Variants in P2RX6 observed in about 807,000 individuals in gnomAD.
P2RX6 encodes purinergic receptor P2X 6, also known as P2X purinoceptor 6.
A neutral mutation model predicts 54.2 loss-of-function variants in P2RX6; 62 were observed. The ratio of observed to expected loss-of-function variants is 1.14; its 90% confidence interval spans 0.93 to 1.41. The LOEUF is 1.41. Among genes scored for constraint, P2RX6 ranks in the 40% most tolerant of loss-of-function variants. P2RX6 has a pLI of 0.00. For synonymous variants in P2RX6, 211 were observed against 231.9 expected, an observed-to-expected ratio of 0.91 and a Z score of 0.82; for missense variants, 541 against 566.3, an observed-to-expected ratio of 0.96 and a Z score of 0.45.
At chr22:21,016,187 A>G in intron 2 of P2RX6, 95 bp downstream of exon 2, 1 of 1,286,536 alleles carries the variant, frequency 7.8e-7, no homozygotes, top group Non-Finnish European at 1.1e-6. Flanking sequence ...AGAGAGAAGC[A>G]TGTGATGCCA....
chr22:21,012,374 C>T (rs1199407141), upstream of P2RX6, among the ~76,000 whole-genome samples: 10 of 152,140 alleles, frequency 6.6e-5, no homozygotes, highest in East Asian at 1.7e-3. Flanking sequence ...TAACTCCACC[C>T]CACATACCCC....
chr22:21,017,734 GCA>G (rs1198951790), intron 2 of P2RX6, among the ~76,000 whole-genome samples: 1 of 151,606 alleles, frequency 6.6e-6, no homozygotes, highest in Non-Finnish European at 1.5e-5. Flanking sequence ...ACATACACAT[GCA>G]CACACACACA....
At chr22:21,021,747 G>C (rs1358773166) in intron 3 of P2RX6, among the ~76,000 whole-genome samples, 1 of 152,086 alleles carries the variant, frequency 6.6e-6, no homozygotes, top group Non-Finnish European at 1.5e-5. Flanking sequence ...CGTCTCTGGG[G>C]TCTGGGACCC....
intron 3 of P2RX6, among the ~76,000 whole-genome samples, chr22:21,021,406 G>C (rs1480052323): frequency 6.6e-6 from 1 of 152,196 alleles, no homozygotes; most frequent in Admixed American, 6.5e-5. Context: ...ATGGGAAGAC[G>C]TGGGGGCCCC....
In P2RX6 at chr22:21,026,425, G is replaced by T; in HGVS notation, c.1134G>T (p.Lys378Asn). The change falls in exon 12 of 12, where the codon AAG (lysine) becomes AAT (asparagine). Residue 378 changes from lysine to asparagine, a missense_variant. Lys to Asn is a moderately conservative substitution (Grantham distance 94). Around this residue, in one of 2 missense-constraint regions of P2RX6, gnomAD observed 526 missense variants for 531.5 expected, o/e 0.99. Transcript: ENST00000413302. The surrounding 1 kb of genome is among the most constrained non-coding windows in gnomAD (Gnocchi z 4.0). ...CCTGCTGTCCTCATCTGCAGGCCAAGGCCCCGAAAGCAACCGCCAACTCTG... is the reference window on the plus strand; with the variant it reads ...CCTGCTGTCCTCATCTGCAGGCCAATGCCCCGAAAGCAACCGCCAACTCTG... ...FYWRTKYEEAKAPKATANSVW... is the reference protein window; with the variant it reads ...FYWRTKYEEANAPKATANSVW... 6.3e-7 allele frequency: 1 copy of T among 1,599,460 alleles called. No homozygotes were observed. Among genetic ancestry groups the T allele is most frequent in the Non-Finnish European group, 8.5e-7 (1 of 1,173,456 alleles).
In P2RX6 at chr22:21,026,307, A is replaced by G; in HGVS notation, c.1106A>G (p.Tyr369Cys). 6.2e-7 allele frequency: 1 copy of G among 1,606,946 alleles called. No individual in the cohort carries two copies. Among genetic ancestry groups the G allele is most frequent in the South Asian group, 1.1e-5 (1 of 89,296 alleles). The part of the protein sequence containing the change: ...LLYVDREAHF[Y>C]WRTKYEEAKA... The stretch of plus-strand genomic sequence containing the variant: ...TATGTGGATAGAGAAGCCCATTTCT[A>G]CTGGAGGACAAAGTATGAGGAGGTG... The change falls in exon 11 of 12, where the codon TAC becomes TGC. Residue 369 changes from tyrosine (Y) to cysteine (C), a missense_variant. Around this residue, in one of 2 missense-constraint regions of P2RX6, gnomAD observed 526 missense variants for 531.5 expected, o/e 0.99. Coordinates refer to ENST00000413302, the MANE Select transcript of P2RX6 (RefSeq NM_005446.5). The surrounding 1 kb of genome is among the most constrained non-coding windows in gnomAD (Gnocchi z 4.0).
chr22:21,026,250 A>G lies in P2RX6; in HGVS notation c.1051-2A>G, dbSNP rs1378093341. ...AACATGGGTTGGCCCTGCCTCTCCCAGGTCACCTTTTTCTGTGACCTGCTA... is the reference window on the plus strand; with the variant it reads ...AACATGGGTTGGCCCTGCCTCTCCCGGGTCACCTTTTTCTGTGACCTGCTA... On this transcript the variant is annotated splice_acceptor_variant, in intron 10 of 11. Transcript: ENST00000413302. LOFTEE classifies it high-confidence loss of function. The surrounding 1 kb of genome is among the most constrained non-coding windows in gnomAD (Gnocchi z 4.0). The G allele has an allele frequency of 6.3e-7, 1 of 1,592,342 alleles. No individual in the cohort carries two copies. The highest frequency in any genetic ancestry group is 8.5e-7 in the Non-Finnish European group (1 of 1,169,992).
Position 21,016,090 on chromosome 22 carries a change from CAGGT to C in P2RX6, c.314_315+2del, listed in dbSNP as rs913679527. The stretch of plus-strand genomic sequence containing the variant: ...TGTGGCCGACTTCGTGAAGCCACCT[CAGGT>C]GGGGGCCCTGATGTTGCTGACGGGG... On this transcript the variant is annotated splice_donor_variant and coding_sequence_variant, in exon 2 of 12. Transcript: ENST00000413302. LOFTEE classifies it high-confidence loss of function. The C allele has an allele frequency of 3.2e-6, 5 of 1,561,308 alleles. No individual in the cohort carries two copies. In the African/African-American group the frequency reaches 6.8e-5, roughly 21 times the overall value.
Position 21,022,972 on chromosome 22 carries a change from A to G in P2RX6, c.494A>G (p.Asn165Ser), listed in dbSNP as rs555559703. The change falls in exon 5 of 12, where the codon AAT becomes AGT. Residue 165 changes from asparagine (N) to serine (S), a missense_variant. This residue lies in a region of P2RX6 where 526 missense variants were observed against 531.5 expected (regional missense o/e 0.99). Transcript: ENST00000413302. ...GVKTGQCVVF[N>S]GTHRTCEIWS... Reference sequence around the variant, plus strand: ...AAAACAGGCCAGTGTGTGGTGTTCAATGGGACCCACAGGACCTGTGAGATC... The same window carrying G: ...AAAACAGGCCAGTGTGTGGTGTTCAGTGGGACCCACAGGACCTGTGAGATC... 593 of 1,613,794 alleles carry G rather than the reference A, an allele frequency of 3.7e-4. 6 individuals are homozygous for G. The South Asian group carries it at 6.1e-3, about 17-fold the overall frequency.
At chr22:21,018,480 A>C (rs1040524681) in intron 3 of P2RX6, 1 of 258,288 alleles carries the variant, frequency 3.9e-6, no homozygotes, top group Non-Finnish European at 7.7e-6. Flanking sequence ...GCAAGAGCCA[A>C]GCTGGAATAT....
chr22:21,021,600 G>A (rs1309297272), intron 3 of P2RX6, among the ~76,000 whole-genome samples: 2 of 152,176 alleles, frequency 1.3e-5, no homozygotes, highest in Non-Finnish European at 2.9e-5. Context: ...GCTTCTCAGA[G>A]GCCCTCAGCC....
At chr22:21,015,506 C>T (rs1926182536) in intron 1 of P2RX6, among the ~76,000 whole-genome samples, 168 bp downstream of exon 1, 1 of 152,024 alleles carries the variant, frequency 6.6e-6, no homozygotes, top group South Asian at 2.1e-4. Flanking sequence ...GACAGGAGAG[C>T]AAGAACAAGC....
intron 2 of P2RX6, among the ~76,000 whole-genome samples, chr22:21,017,540 C>A (rs564871380): frequency 6.6e-6 from 1 of 152,300 alleles, no homozygotes; most frequent in East Asian, 1.9e-4. Context: ...GTACTAGAAG[C>A]AGCAGGCTGT....
chr22:21,023,325 A>G lies in P2RX6; in HGVS notation c.689A>G (p.Tyr230Cys). ...WDPTYFKHCRYEPQFSPYCPV... is the reference protein window; with the variant it reads ...WDPTYFKHCRCEPQFSPYCPV... ...CCCACCTATTTTAAGCACTGCCGCT[A>G]TGAACCACAATTCAGCCCCTACTGT... Residue 230 changes from tyrosine to cysteine, a missense_variant, in exon 7 of 12, where the codon TAT becomes TGT. Tyr to Cys is a radical substitution (Grantham distance 194, BLOSUM62 -2). Transcript: ENST00000413302. 1.9e-6 allele frequency: 3 copies of G among 1,613,932 alleles called. No individual in the cohort carries two copies. Among genetic ancestry groups the G allele is most frequent in the African/African-American group, 1.3e-5 (1 of 75,028 alleles).
chr22:21,019,833 C>G lies in P2RX6; in HGVS notation c.387+1773C>G, dbSNP rs1025430788. On this transcript the variant is annotated intron_variant, in intron 3 of 11. Transcript: ENST00000413302. Reference sequence around the variant, plus strand: ...TCCTTATGGGAAACAAAGGGATGGGCTCTGGTTGGTTAGCTGCAGCAGGAG... The same window carrying G: ...TCCTTATGGGAAACAAAGGGATGGGGTCTGGTTGGTTAGCTGCAGCAGGAG... 2.6e-5 allele frequency among the ~76,000 whole-genome samples: 4 copies of G among 152,244 alleles called. No homozygotes were observed. The East Asian group carries it at 5.8e-4, about 22-fold the overall frequency.
At chr22:21,010,619 C>T (rs1336456219), upstream of P2RX6, among the ~76,000 whole-genome samples, 1 of 152,282 alleles carries the variant, frequency 6.6e-6, no homozygotes, top group South Asian at 2.1e-4. Flanking sequence ...ATGCCTCACC[C>T]AGGGTCACAG....
rs778099407 is a variant in P2RX6, at chr22:21,023,189, A to G, written c.629A>G (p.Asn210Ser). The G allele has an allele frequency of 2.5e-6, 4 of 1,613,898 alleles. No individual in the cohort carries two copies. Among genetic ancestry groups the G allele is most frequent in the East Asian group, 2.2e-5 (1 of 44,858 alleles). ...AACACAGTCACCTTCAGCAAGTTCAACTTCTCTAAGTAAGCAGAGTGGGTC... is the reference window on the plus strand; with the variant it reads ...AACACAGTCACCTTCAGCAAGTTCAGCTTCTCTAAGTAAGCAGAGTGGGTC... ...IKNTVTFSKF[N>S]FSKSNALETW... Residue 210 changes from asparagine (N) to serine (S), a missense_variant, in exon 6 of 12, where the codon AAC becomes AGC. By Grantham distance (46) the Asn-to-Ser change is conservative. This residue lies in a region of P2RX6 where 526 missense variants were observed against 531.5 expected (regional missense o/e 0.99). Coordinates refer to ENST00000413302, the MANE Select transcript of P2RX6 (RefSeq NM_005446.5).
In P2RX6 at chr22:21,016,129, C is replaced by T. The variant is rs541898050; in HGVS notation, c.315+37C>T. On this transcript the variant is annotated intron_variant, in intron 2 of 11. Coordinates refer to ENST00000413302, the MANE Select transcript of P2RX6 (RefSeq NM_005446.5). ...GATGTTGCTGACGGGGGCGCAAGTCCTTTCCCCACTGACAGCCTGAACACC... is the reference window on the plus strand; with the variant it reads ...GATGTTGCTGACGGGGGCGCAAGTCTTTTCCCCACTGACAGCCTGAACACC... The T allele has an allele frequency of 5.2e-6, 8 of 1,544,188 alleles. No homozygotes were observed. The East Asian group carries it at 1.7e-4, about 33-fold the overall frequency.
chr22:21,026,008 C>T lies in P2RX6; in HGVS notation c.985-3C>T, dbSNP rs778096204. On this transcript the variant is annotated splice_polypyrimidine_tract_variant and splice_region_variant and intron_variant, in intron 9 of 11. Transcript: ENST00000413302. The surrounding 1 kb of genome is among the most constrained non-coding windows in gnomAD (Gnocchi z 4.0). Reference sequence around the variant, plus strand: ...TGAGAGGTTCAGCTCAGATCTCTCTCAGGCAGGGAAGTTCGGGCTCATCCC... The same window carrying T: ...TGAGAGGTTCAGCTCAGATCTCTCTTAGGCAGGGAAGTTCGGGCTCATCCC... The T allele has an allele frequency of 3.7e-6, 6 of 1,610,040 alleles. No homozygotes were observed. Among genetic ancestry groups the T allele is most frequent in the South Asian group, 2.2e-5 (2 of 90,128 alleles).
Sources: gnomAD v4.1 joint callset for allele counts (sites outside exome capture counted in the v4.1 genomes callset) on GRCh38, gnomAD v4.1.1 for gene constraint, gnomAD v4.1.1 regional missense constraint, Gnocchi (gnomAD v3.1) non-coding constraint, MANE v1.5 for transcripts, NCBI Gene and HGNC (gene_info 2026-07-23, HGNC 2026-07-21) for gene names.